The following NRXN2 variants were observed in gnomAD, a reference collection of about 807,000 sequenced individuals.
NRXN2 encodes neurexin 2.
A neutral mutation model predicts 128.8 loss-of-function variants in NRXN2; 29 were observed. That is an observed-to-expected ratio of 0.23 (90% CI 0.17 to 0.31). NRXN2 has a LOEUF of 0.31. NRXN2 is among the 10% of genes least tolerant of loss of function. The probability of loss-of-function intolerance (pLI) is 1.00; values close to 1 mark genes in which losing one functional copy is unlikely to be tolerated. For missense variants in NRXN2, 1,881 were observed against 2,452.6 expected, an observed-to-expected ratio of 0.77 and a Z score of 4.92; for synonymous variants, 1,098 against 1,075.2, an observed-to-expected ratio of 1.02 and a Z score of -0.41.
intron 11 of NRXN2, among the ~76,000 whole-genome samples, chr11:64,656,696 G>A (rs910942357): frequency 1.3e-5 from 2 of 151,432 alleles, no homozygotes; most frequent in African/African-American, 4.9e-5. Flanking sequence ...CCCCTCCAGG[G>A]AGGGGCCCAG....
Position 64,713,684 on chromosome 11 carries a change from G to A in NRXN2, c.16C>T (p.Arg6Trp). The A allele has an allele frequency of 8.8e-7, 1 of 1,138,736 alleles. No homozygotes were observed. The highest frequency in any genetic ancestry group is 4.0e-5 in the South Asian group (1 of 25,040). The allele number at this position is 1,138,736 out of a possible 1,614,324, so 70.5% of individuals were successfully genotyped here. Residue 6 changes from arginine to tryptophan, a missense_variant, in exon 2 of 23, where the codon CGG (arginine) becomes TGG (tryptophan). Around this residue, in one of 7 missense-constraint regions of NRXN2, gnomAD observed 997 missense variants for 1,240.8 expected, o/e 0.80. Transcript: ENST00000265459. ...AGCGGCGGCGGTGTCGGCCGCCACC[G>A]GCTCCCGGACGCCATGCCTACGGCG... MASGSRWRPTPPPLLL... is the reference protein window; with the variant it reads MASGSWWRPTPPPLLL...
chr11:64,715,489 C>T (rs2057274069), intron 1 of NRXN2, among the ~76,000 whole-genome samples: 1 of 152,102 alleles, frequency 6.6e-6, no homozygotes, highest in African/African-American at 2.4e-5. Flanking sequence ...AGCTGAAGAG[C>T]TATGTGGAAG....
chr11:64,675,290 G>A (rs1375209934), intron 7 of NRXN2: 1 of 152,280 alleles, frequency 6.6e-6, no homozygotes, highest in African/African-American at 2.4e-5. Flanking sequence ...AAATTGGGGA[G>A]GGCTGGAATG....
intron 13 of NRXN2, 30 bp downstream of exon 13, chr11:64,652,005 T>C: frequency 1.2e-6 from 2 of 1,607,402 alleles, no homozygotes; most frequent in Non-Finnish European, 1.7e-6. Flanking sequence ...ACTGGAGATG[T>C]GTCCACCTCC....
chr11:64,667,283 A>G lies in NRXN2; in HGVS notation c.1765T>C (p.Cys589Arg). The stretch of plus-strand genomic sequence containing the variant: ...CCATCCCTCTGGAAGTCCACGTGAC[A>G]CCACTCGCCATCATTGACCTTGCGG... ...SSRKVNDGEW[C>R]HVDFQRDGRK... Residue 589 changes from cysteine (C) to arginine (R), a missense_variant, in exon 9 of 23, where the codon TGT becomes CGT. Physicochemically the swap from Cys to Arg is radical, Grantham distance 180 (BLOSUM62 -3). Around this residue, in one of 7 missense-constraint regions of NRXN2, gnomAD observed 997 missense variants for 1,240.8 expected, o/e 0.80. Transcript: ENST00000265459. This position sits in a 1 kb window ranked among gnomAD's most constrained non-coding sequence, Gnocchi z 5.6. The G allele has an allele frequency of 1.1e-5, 17 of 1,614,240 alleles. No homozygotes were observed. The highest frequency in any genetic ancestry group is 1.4e-5 in the Non-Finnish European group (17 of 1,180,036).
intron 9 of NRXN2, chr11:64,661,528 G>A (rs1244979437): frequency 5.9e-6 from 3 of 507,604 alleles, no homozygotes; most frequent in East Asian, 7.1e-5. Flanking sequence ...ACTGGGAACC[G>A]GAAGCAGAGA....
chr11:64,666,146 C>A (rs563097674), intron 9 of NRXN2, among the ~76,000 whole-genome samples: 2 of 152,084 alleles, frequency 1.3e-5, no homozygotes, highest in Non-Finnish European at 2.9e-5. Flanking sequence ...TCCATATCTA[C>A]AGAACCTTGG....
At chr11:64,678,682 T>C (rs2051712084) in intron 6 of NRXN2, among the ~76,000 whole-genome samples, 1 of 152,056 alleles carries the variant, frequency 6.6e-6, no homozygotes, top group Non-Finnish European at 1.5e-5. Flanking sequence ...AAATTACCCC[T>C]GTCTTTGGGG....
intron 5 of NRXN2, among the ~76,000 whole-genome samples, chr11:64,687,978 C>T (rs2053290231): frequency 2.0e-5 from 3 of 152,162 alleles, no homozygotes. Flanking sequence ...TTGGTTTTGC[C>T]ACATGTACTA....
chr11:64,655,112 AT>A (rs1474677766), intron 11 of NRXN2, among the ~76,000 whole-genome samples: 1 of 152,176 alleles, frequency 6.6e-6, no homozygotes, highest in Non-Finnish European at 1.5e-5. Context: ...GGGCAGCTGC[AT>A]CCCCTGGGCC....
At chr11:64,615,829 C>T (rs2041387944) in intron 22 of NRXN2, among the ~76,000 whole-genome samples, 1 of 139,010 alleles carries the variant, frequency 7.2e-6, no homozygotes, top group Admixed American at 7.0e-5. Context: ...TAGGCCCAAG[C>T]GTGTGTGTGT....
intron 11 of NRXN2, among the ~76,000 whole-genome samples, chr11:64,657,767 G>A (rs1365885799): frequency 2.0e-5 from 3 of 152,172 alleles, no homozygotes; most frequent in Non-Finnish European, 4.4e-5. Context: ...TGCCTACAGA[G>A]GAGGAATCTG....
chr11:64,698,959 AAC>A (rs1222204687), intron 2 of NRXN2, among the ~76,000 whole-genome samples: 1 of 152,208 alleles, frequency 6.6e-6, no homozygotes, highest in South Asian at 2.1e-4. Flanking sequence ...CCAGTGGGGA[AAC>A]ACATACTTGC....
At position 64,713,412 on chromosome 11, in the gene NRXN2, G is replaced by C. The variant is rs764029179; in HGVS notation, c.288C>G (p.Ala96=). 8.7e-6 allele frequency: 13 copies of C among 1,490,658 alleles called. No homozygotes were observed. Among genetic ancestry groups the C allele is most frequent in the Non-Finnish European group, 1.1e-5 (12 of 1,126,026 alleles). 92.3% of individuals were successfully genotyped at this position (1,490,658 alleles called of 1,614,324 possible). A position where few individuals can be genotyped will look rare whatever the true frequency, so the allele number is the denominator to read the frequency against. The change falls in exon 2 of 23, where the codon GCC becomes GCG. Residue 96 remains alanine, a synonymous_variant. Transcript: ENST00000265459. Reference sequence around the variant, plus strand: ...TGTCCAGCTGCAGCGTGGCCGGCTCGGCGCACGAAAGCGTGAAGCGCAGCC... The same window carrying C: ...TGTCCAGCTGCAGCGTGGCCGGCTCCGCGCACGAAAGCGTGAAGCGCAGCC... ...RLRLRFTLSC[A]EPATLQLDTP...
intron 17 of NRXN2, among the ~76,000 whole-genome samples, chr11:64,645,980 C>G (rs1222404207): frequency 6.6e-6 from 1 of 152,150 alleles, no homozygotes; most frequent in Non-Finnish European, 1.5e-5. Flanking sequence ...CACAGGGCCC[C>G]AAGAAGACGT....
At chr11:64,649,709 C>A (rs1413532174) in intron 15 of NRXN2, among the ~76,000 whole-genome samples, 2 of 152,180 alleles carry the variant, frequency 1.3e-5, no homozygotes, top group Admixed American at 6.5e-5. Context: ...TCCCCAAGCT[C>A]TGACAGTATG....
At chr11:64,694,890 CCT>C (rs2054288702) in intron 3 of NRXN2, among the ~76,000 whole-genome samples, 1 of 152,154 alleles carries the variant, frequency 6.6e-6, no homozygotes, top group Non-Finnish European at 1.5e-5. Context: ...GTGAACCCAC[CCT>C]CTGTCTCCCA....
intron 17 of NRXN2, among the ~76,000 whole-genome samples, chr11:64,641,779 G>T (rs2045702090): frequency 6.6e-6 from 1 of 152,058 alleles, no homozygotes; most frequent in South Asian, 2.1e-4. Context: ...AGGAGGGGAA[G>T]CCTGGAAACG....
chr11:64,666,302 A>C (rs2049851067), intron 9 of NRXN2, among the ~76,000 whole-genome samples: 1 of 151,142 alleles, frequency 6.6e-6, no homozygotes, highest in African/African-American at 2.4e-5. Flanking sequence ...CCTGGGTTCA[A>C]GCGATTCTCC....
Sources: allele counts gnomAD v4.1 joint callset (sites outside exome capture counted in the v4.1 genomes callset), GRCh38; gene constraint gnomAD v4.1.1; regional missense constraint gnomAD v4.1.1; non-coding constraint Gnocchi (gnomAD v3.1); transcripts MANE v1.5; gene names NCBI Gene and HGNC (gene_info 2026-07-23, HGNC 2026-07-21).